The following CYP26A1 variants were observed in gnomAD, a reference collection of about 807,000 sequenced individuals.
The protein encoded by CYP26A1 is cytochrome P450 26A1.
A neutral mutation model predicts 47.4 loss-of-function variants in CYP26A1; 46 were observed. The observed-to-expected ratio is 0.97, with a 90% CI of 0.77 to 1.24. The LOEUF (loss-of-function observed/expected upper bound fraction) is 1.24. CYP26A1 is among the 50% of genes most tolerant of loss of function. The pLI is 0.00. For missense variants in CYP26A1, 680 were observed against 644.4 expected, an observed-to-expected ratio of 1.06 and a Z score of -0.60; for synonymous variants, 277 against 263.7, an observed-to-expected ratio of 1.05 and a Z score of -0.49.
intron 5 of CYP26A1, 180 bp from the exon 6 acceptor site, chr10:93,076,364 T>G: frequency 1.8e-6 from 1 of 564,692 alleles, no homozygotes. Flanking sequence ...TCTCCTGGGA[T>G]TGTAAATAGA....
rs200246602 is a variant in CYP26A1 at position 93,077,018 on chromosome 10, A to G, written c.1208A>G (p.Asp403Gly). ...NVIYSICDTH[D>G]VAEIFTNKEE... ...ATCTACAGTATCTGTGATACTCATGATGTGGCAGAGATCTTCACCAACAAG... is the reference window on the plus strand; with the variant it reads ...ATCTACAGTATCTGTGATACTCATGGTGTGGCAGAGATCTTCACCAACAAG... The change falls in exon 7 of 7, where the codon GAT becomes GGT. Residue 403 changes from aspartate to glycine, a missense_variant. Coordinates refer to ENST00000224356, the MANE Select transcript of CYP26A1 (RefSeq NM_000783.4). 1.2e-6 allele frequency: 2 copies of G among 1,613,776 alleles called. No homozygotes were observed. Among genetic ancestry groups the G allele is most frequent in the Admixed American group, 1.7e-5 (1 of 60,008 alleles).
chr10:93,074,581 A>G lies in CYP26A1; in HGVS notation c.414+49A>G, dbSNP rs1846944277. ...GACAGGGAGGGGGACCCCATTTATG[A>G]GCGGAATTCCGGCTGATGGATGCTA... On this transcript the variant is annotated intron_variant, in intron 2 of 6. Transcript: ENST00000224356. The surrounding 1 kb of genome is among the most constrained non-coding windows in gnomAD (Gnocchi z 5.3). 2 of 1,279,214 alleles carry G rather than the reference A, an allele frequency of 1.6e-6. No homozygotes were observed. The highest frequency in any genetic ancestry group is 2.3e-6 in the Non-Finnish European group (2 of 876,748). The allele number at this position is 1,279,214 out of a possible 1,614,324, so 79.2% of individuals were successfully genotyped here. A position where few individuals can be genotyped will look rare whatever the true frequency, so the allele number is the denominator to read the frequency against.
chr10:93,075,381 CA>C, intron 4 of CYP26A1, 74 bp downstream of exon 4: 1 of 1,429,330 alleles, frequency 7.0e-7, no homozygotes, highest in Non-Finnish European at 9.6e-7. Flanking sequence ...CTGGGGCCCC[CA>C]AAGCGCGCGC....
At position 93,076,647 on chromosome 10, in the gene CYP26A1, C is replaced by T; in HGVS notation, c.1103C>T (p.Pro368Leu). 1 of 1,611,176 alleles carries T rather than the reference C, an allele frequency of 6.2e-7. No homozygotes were observed. The highest frequency in any genetic ancestry group is 8.5e-7 in the Non-Finnish European group (1 of 1,177,466). Residue 368 changes from proline to leucine, a missense_variant, in exon 6 of 7, where the codon CCC (proline) becomes CTC (leucine). Physicochemically the swap from Pro to Leu is moderately conservative, Grantham distance 98. Transcript: ENST00000224356. ...CVIKETLRLN[P>L]PVPGGFRVAL... Reference sequence around the variant, plus strand: ...ATTAAGGAGACCCTTCGACTGAATCCCCCAGTTCCAGGAGGGTTTCGGGTT... The same window carrying T: ...ATTAAGGAGACCCTTCGACTGAATCTCCCAGTTCCAGGAGGGTTTCGGGTT...
chr10:93,074,694 A>C lies in CYP26A1; in HGVS notation c.415-85A>C, dbSNP rs571937448. ...GCTCGGAGAGTGCCATGTGTCTGGC[A>C]GGACTGGGGGTGTCTGGAAGGGGAC... On this transcript the variant is annotated intron_variant, in intron 2 of 6. Transcript: ENST00000224356. The surrounding 1 kb of genome is among the most constrained non-coding windows in gnomAD (Gnocchi z 5.3). 3.3e-4 allele frequency: 411 copies of C among 1,247,576 alleles called. 6 individuals are homozygous for C. In the South Asian group the frequency reaches 3.5e-3, roughly 11 times the overall value. 77.3% of individuals were successfully genotyped at this position (1,247,576 alleles called of 1,614,324 possible).
rs545403757 is a variant in CYP26A1 at position 93,076,766 on chromosome 10, G to A, written c.1152+70G>A. The A allele has an allele frequency of 1.3e-5, 16 of 1,206,310 alleles. No individual in the cohort carries two copies. The South Asian group carries it at 2.1e-4, about 16-fold the overall frequency. 74.7% of individuals were successfully genotyped at this position (1,206,310 alleles called of 1,614,324 possible). ...AACTCCTCTTTCTTCCCTATGCTGT[G>A]GCTGCAATTCTTATGCTTTTGATAA... is the stretch of plus-strand genomic sequence containing the variant. On this transcript the variant is annotated intron_variant, in intron 6 of 6. Transcript: ENST00000224356.
chr10:93,075,151 C>T lies in CYP26A1; in HGVS notation c.708C>T (p.Gly236=). 1.2e-6 allele frequency: 2 copies of T among 1,613,274 alleles called. No individual in the cohort carries two copies. The highest frequency in any genetic ancestry group is 2.2e-5 in the East Asian group (1 of 44,884). ...CGCCGCGCGCTCTCTGCGCTCAGGG[C>T]ATGAAGGCGCGGAACCTCATTCACG... ...IDVPFSGLYR[G]MKARNLIHAR... Residue 236 remains glycine (G), a splice_region_variant and synonymous_variant, in exon 4 of 7, where the codon GGC becomes GGT. Coordinates refer to ENST00000224356, the MANE Select transcript of CYP26A1 (RefSeq NM_000783.4).
upstream of CYP26A1, chr10:93,073,755 CA>C: frequency 1.8e-6 from 1 of 568,336 alleles, no homozygotes; most frequent in Non-Finnish European, 3.1e-6. Flanking sequence ...AGATTTTGGG[CA>C]GCGCCTCGCG....
At chr10:93,076,733 G>C (rs541021860) in intron 6 of CYP26A1, 37 bp downstream of exon 6, 1 of 1,511,548 alleles carries the variant, frequency 6.6e-7, no homozygotes, top group Non-Finnish European at 9.1e-7. Context: ...CTTTTGTTGT[G>C]GTTTAAAAAC....
chr10:93,075,746 A>G, intron 4 of CYP26A1, 80 bp from the exon 5 acceptor site: 1 of 1,083,330 alleles, frequency 9.2e-7, no homozygotes, highest in South Asian at 1.3e-5. Flanking sequence ...TCCCTCCAGA[A>G]CTCTCAGTTC....
Position 93,074,131 on chromosome 10 carries a change from A to T in CYP26A1, c.189+8A>T. 17 of 307,152 alleles carry T rather than the reference A, an allele frequency of 5.5e-5. No individual in the cohort carries two copies. The highest frequency in any genetic ancestry group is 1.0e-4 in the Non-Finnish European group (16 of 159,388). The allele number at this position is 307,152 out of a possible 1,614,324, so 19.0% of individuals were successfully genotyped here. ...TTGCAGATGGTACTGCAGGTAAGGG[A>T]GGGTGGGGCGGGACAGGCTGCTTCC... On this transcript the variant is annotated splice_region_variant and intron_variant, in intron 1 of 6. Transcript: ENST00000224356. The surrounding 1 kb of genome is among the most constrained non-coding windows in gnomAD (Gnocchi z 5.3).
In CYP26A1 at chr10:93,074,168, C is replaced by A. The variant is rs987374090; in HGVS notation, c.189+45C>A. On this transcript the variant is annotated intron_variant, in intron 1 of 6. Transcript: ENST00000224356. This position sits in a 1 kb window ranked among gnomAD's most constrained non-coding sequence, Gnocchi z 5.3. ...GACAGGCTGCTTCCCCGGAGCCCGG[C>A]GCGGCTCTGGGCTTCTGCTGAAGTC... The A allele has an allele frequency of 3.3e-6, 5 of 1,523,356 alleles. No individual in the cohort carries two copies. Among genetic ancestry groups the A allele is most frequent in the African/African-American group, 1.4e-5 (1 of 72,614 alleles). 94.4% of individuals were successfully genotyped at this position (1,523,356 alleles called of 1,614,324 possible).
chr10:93,073,851 C>T (rs1846928732), upstream of CYP26A1: 7 of 624,606 alleles, frequency 1.1e-5, no homozygotes, highest in South Asian at 1.3e-4. Context: ...TGGGCAGCAA[C>T]CTGGGCCGCC....
intron 5 of CYP26A1, 165 bp from the exon 6 acceptor site, chr10:93,076,379 G>C: frequency 1.7e-6 from 1 of 597,910 alleles, no homozygotes; most frequent in Non-Finnish European, 3.0e-6. Context: ...AATAGATAGT[G>C]GATTTGGGCA....
In CYP26A1 at chr10:93,074,696, G is replaced by T. The variant is rs966346666; in HGVS notation, c.415-83G>T. On this transcript the variant is annotated intron_variant, in intron 2 of 6. Coordinates refer to ENST00000224356, the MANE Select transcript of CYP26A1 (RefSeq NM_000783.4). This position sits in a 1 kb window ranked among gnomAD's most constrained non-coding sequence, Gnocchi z 5.3. ...TCGGAGAGTGCCATGTGTCTGGCAG[G>T]ACTGGGGGTGTCTGGAAGGGGACGG... The T allele has an allele frequency of 1.6e-6, 2 of 1,259,888 alleles. No homozygotes were observed. The highest frequency in any genetic ancestry group is 1.5e-5 in the African/African-American group (1 of 68,520). 78.0% of individuals were successfully genotyped at this position (1,259,888 alleles called of 1,614,324 possible). A position where few individuals can be genotyped will look rare whatever the true frequency, so the allele number is the denominator to read the frequency against.
chr10:93,074,411 G>A lies in CYP26A1; in HGVS notation c.293G>A (p.Arg98Gln). 6.2e-7 allele frequency: 1 copy of A among 1,611,336 alleles called. No homozygotes were observed. Among genetic ancestry groups the A allele is most frequent in the Non-Finnish European group, 8.5e-7 (1 of 1,178,096 alleles). The change falls in exon 2 of 7, where the codon CGG (arginine) becomes CAG (glutamine). Residue 98 changes from arginine (R) to glutamine (Q), a missense_variant. Arg to Gln is a conservative substitution (Grantham distance 43). Transcript: ENST00000224356. The surrounding 1 kb of genome is among the most constrained non-coding windows in gnomAD (Gnocchi z 5.3). ...CGGGTGATGGGCGCGGACAATGTGC[G>A]GCGCATCTTGCTCGGAGAGCACCGG... Reference protein sequence around the residue: ...TVRVMGADNVRRILLGEHRLV... With the variant: ...TVRVMGADNVQRILLGEHRLV...
chr10:93,074,517 C>A lies in CYP26A1; in HGVS notation c.399C>A (p.His133Gln), dbSNP rs1397208002. 2.5e-6 allele frequency: 4 copies of A among 1,600,600 alleles called. No homozygotes were observed. The African/African-American group carries it at 4.0e-5, about 16-fold the overall frequency. The change falls in exon 2 of 7, where the codon CAC becomes CAA. Residue 133 changes from histidine (H) to glutamine (Q), a missense_variant. Physicochemically the swap from His to Gln is conservative, Grantham distance 24. Transcript: ENST00000224356. The surrounding 1 kb of genome is among the most constrained non-coding windows in gnomAD (Gnocchi z 5.3). ...GCLSNLHDSS[H>Q]KQRKKVIMRA... Reference sequence around the variant, plus strand: ...TCTCTAACCTGCACGACTCCTCGCACAAGCAGCGCAAGAAGGTGGGGGCAG... The same window carrying A: ...TCTCTAACCTGCACGACTCCTCGCAAAAGCAGCGCAAGAAGGTGGGGGCAG...
rs368711839 is a variant in CYP26A1 at position 93,073,961 on chromosome 10, T to G, written c.27T>G (p.Ser9Arg). 1 of 1,231,912 alleles carries G rather than the reference T, an allele frequency of 8.1e-7. No homozygotes were observed. The allele number at this position is 1,231,912 out of a possible 1,614,324, so 76.3% of individuals were successfully genotyped here. A position where few individuals can be genotyped will look rare whatever the true frequency, so the allele number is the denominator to read the frequency against. The change falls in exon 1 of 7, where the codon AGT (serine) becomes AGG (arginine). Residue 9 changes from serine to arginine, a missense_variant. Coordinates refer to ENST00000224356, the MANE Select transcript of CYP26A1 (RefSeq NM_000783.4). ...TGGGGCTCCCGGCGCTGCTGGCCAG[T>G]GCGCTCTGCACCTTCGTGCTGCCGC... MGLPALLA[S>R]ALCTFVLPLL... is the part of the protein sequence containing the mutation.
chr10:93,074,982 C>A lies in CYP26A1; in HGVS notation c.618C>A (p.Ser206=), dbSNP rs776855625. 6.2e-7 allele frequency: 1 copy of A among 1,613,128 alleles called. No homozygotes were observed. Among genetic ancestry groups the A allele is most frequent in the Non-Finnish European group, 8.5e-7 (1 of 1,180,012 alleles). The part of the protein sequence containing the change: ...CEPQLAGDGD[S]EQQLVEAFEE... ...CCCAACTGGCGGGCGACGGGGACTC[C>A]GAGCAGCAGCTTGTGGAGGCCTTCG... Residue 206 remains serine, a synonymous_variant, in exon 3 of 7, where the codon TCC becomes TCA. Coordinates refer to ENST00000224356, the MANE Select transcript of CYP26A1 (RefSeq NM_000783.4). The surrounding 1 kb of genome is among the most constrained non-coding windows in gnomAD (Gnocchi z 5.3).
Sources: gnomAD v4.1 joint callset for allele counts on GRCh38, gnomAD v4.1.1 for gene constraint, Gnocchi (gnomAD v3.1) non-coding constraint, MANE v1.5 for transcripts, NCBI Gene and HGNC (gene_info 2026-07-23, HGNC 2026-07-21) for gene names.